The following CCNA1 variants were observed in gnomAD, a reference collection of about 807,000 sequenced individuals.
CCNA1 encodes the protein cyclin-A1.
CCNA1 carries 23 observed loss-of-function variants against 54.1 expected under a neutral mutation model. That is an observed-to-expected ratio of 0.42 (90% confidence interval 0.31 to 0.60). The LOEUF is 0.60. Ranked by LOEUF, CCNA1 falls within the 20% of genes least tolerant of loss-of-function variation. The pLI is 0.14. For missense variants in CCNA1, 450 were observed against 556.7 expected (o/e 0.81, Z 1.93); for synonymous variants, 208 against 213.9 (o/e 0.97, Z 0.24).
At chr13:36,442,472 A>G in intron 8 of CCNA1, 142 bp from the exon 9 acceptor site, 1 of 1,088,306 alleles carries the variant, frequency 9.2e-7, no homozygotes. Flanking sequence ...TAGATTTATA[A>G]TTTGTCAGCT....
rs1407235545 is a variant in CCNA1 at position 36,437,691 on chromosome 13, A to G, written c.360A>G (p.Lys120=). Residue 120 remains lysine, a synonymous_variant, in exon 3 of 9, where the codon AAA becomes AAG. Transcript: ENST00000255465. ...ATGCCTTCCCTCCAGCTGGAAAGAA[A>G]GCACTCCCTGACTGTGGGGTCCAAG... 1.5e-5 allele frequency: 24 copies of G among 1,613,946 alleles called. No individual in the cohort carries two copies. Among genetic ancestry groups the G allele is most frequent in the Non-Finnish European group, 1.9e-5 (23 of 1,179,930 alleles).
At chr13:36,441,032 AC>A (rs2055868810) in intron 6 of CCNA1, 85 bp from the exon 7 acceptor site, 2 of 664,682 alleles carry the variant, frequency 3.0e-6, no homozygotes, top group Non-Finnish European at 5.2e-6. Flanking sequence ...AAGATAAGAT[AC>A]CATTTATTTC....
At chr13:36,440,269 T>C (rs1223679739) in intron 6 of CCNA1, 86 bp downstream of exon 6, 2 of 1,210,784 alleles carry the variant, frequency 1.7e-6, no homozygotes, top group Non-Finnish European at 1.2e-6. Flanking sequence ...AGTTCTTTTT[T>C]CCTTTTCAGT....
intron 2 of CCNA1, among the ~76,000 whole-genome samples, chr13:36,435,802 G>C (rs1214327916): frequency 1.3e-5 from 2 of 152,074 alleles, no homozygotes; most frequent in Non-Finnish European, 2.9e-5. Flanking sequence ...TCTCCACTTA[G>C]GTCATATAAT....
At chr13:36,439,889 A>C (rs2055853847) in intron 5 of CCNA1, 90 bp from the exon 6 acceptor site, 5 of 772,784 alleles carry the variant, frequency 6.5e-6, no homozygotes, top group Non-Finnish European at 1.1e-5. Flanking sequence ...GTAAGTCTGC[A>C]AGGGCCATGC....
At chr13:36,438,329 A>G (rs2055833066) in intron 4 of CCNA1, 138 bp downstream of exon 4, 2 of 791,174 alleles carry the variant, frequency 2.5e-6, no homozygotes, top group Non-Finnish European at 4.1e-6. Context: ...ATGAAAAATA[A>G]TAGTTGTGAT....
At chr13:36,437,502 G>A (rs2055819068) in intron 2 of CCNA1, 127 bp from the exon 3 acceptor site, 1 of 836,332 alleles carries the variant, frequency 1.2e-6, no homozygotes, top group Non-Finnish European at 1.9e-6. Context: ...GAATTAAATT[G>A]CCGACATAGA....
intron 2 of CCNA1, among the ~76,000 whole-genome samples, chr13:36,435,357 G>A (rs2137816657): frequency 6.6e-6 from 1 of 152,282 alleles, no homozygotes; most frequent in East Asian, 1.9e-4. Flanking sequence ...GAACAGACCT[G>A]GGCCTGGCCA....
chr13:36,441,444 A>G (rs912854850), intron 7 of CCNA1, among the ~76,000 whole-genome samples: 3 of 152,210 alleles, frequency 2.0e-5, no homozygotes, highest in East Asian at 3.9e-4. Flanking sequence ...ACAGCATCAC[A>G]TGCTCCTTCA....
chr13:36,432,997 G>T, intron 1 of CCNA1, 36 bp from the exon 2 acceptor site: 1 of 1,589,376 alleles, frequency 6.3e-7, no homozygotes, highest in South Asian at 1.1e-5. Context: ...GGACGGAATC[G>T]ACTAAACAGC....
At chr13:36,436,919 T>G (rs1593323178) in intron 2 of CCNA1, among the ~76,000 whole-genome samples, 1 of 152,240 alleles carries the variant, frequency 6.6e-6, no homozygotes, top group Non-Finnish European at 1.5e-5. Context: ...CAGCTGACAT[T>G]CATGCCATCT....
rs774039740 is a variant in CCNA1, at chr13:36,432,669, G to A, written c.48G>A (p.Gly16=). 3.7e-6 allele frequency: 6 copies of A among 1,611,834 alleles called. No homozygotes were observed. Among genetic ancestry groups the A allele is most frequent in the Non-Finnish European group, 5.1e-6 (6 of 1,179,188 alleles). ...TCATGTACCCTGGATCTTTTATTGG[G>A]GGCTGGGGAGAAGAGTATCTCAGCT... is the stretch of plus-strand genomic sequence containing the variant. The change falls in exon 1 of 9, where the codon GGG becomes GGA. Residue 16 remains glycine, a synonymous_variant. Transcript: ENST00000255465.
chr13:36,438,846 C>T lies in CCNA1; in HGVS notation c.872C>T (p.Thr291Ile), dbSNP rs1308195885. The T allele has an allele frequency of 7.4e-6, 12 of 1,613,918 alleles. No homozygotes were observed. Among genetic ancestry groups the T allele is most frequent in the Non-Finnish European group, 1.0e-5 (12 of 1,179,832 alleles). The change falls in exon 5 of 9, where the codon ACA (threonine) becomes ATA (isoleucine). Residue 291 changes from threonine (T) to isoleucine (I), a missense_variant. Transcript: ENST00000255465. ...AGAGGGAAACTGCAGCTCGTAGGAA[C>T]AGCAGCTATGCTTTTGGCTTCGTAA...
chr13:36,442,449 AT>A, intron 8 of CCNA1, 145 bp downstream of exon 8: 1 of 1,120,084 alleles, frequency 8.9e-7, no homozygotes, highest in Non-Finnish European at 1.3e-6. Context: ...TTACAAATAA[AT>A]TTGAAAAGAC....
In CCNA1 at chr13:36,432,715, G is replaced by C; in HGVS notation, c.94G>C (p.Asp32His). Residue 32 changes from aspartate (D) to histidine (H), a missense_variant, in exon 1 of 9, where the codon GAT becomes CAT. Physicochemically the swap from Asp to His is moderately conservative, Grantham distance 81. Transcript: ENST00000255465. ...CAGCTGGGAAGGACCGGGGCTCCCAGATTTCGTCTTCCAGGTAACGTGGGT... is the reference window on the plus strand; with the variant it reads ...CAGCTGGGAAGGACCGGGGCTCCCACATTTCGTCTTCCAGGTAACGTGGGT... The C allele has an allele frequency of 6.2e-7, 1 of 1,609,992 alleles. No individual in the cohort carries two copies. Among genetic ancestry groups the C allele is most frequent in the Non-Finnish European group, 8.5e-7 (1 of 1,176,830 alleles).
At position 36,433,032 on chromosome 13, in the gene CCNA1, G is replaced by A. The variant is rs2055735211; in HGVS notation, c.109-1G>A. 1 of 1,610,800 alleles carries A rather than the reference G, an allele frequency of 6.2e-7. No individual in the cohort carries two copies. Among genetic ancestry groups the A allele is most frequent in the African/African-American group, 1.3e-5 (1 of 74,898 alleles). Reference sequence around the variant, plus strand: ...CTTGTCTGTTTCTCTTTCCCTGGTAGCAGCAGCCCGTGGAGTCTGAAGCAA... The same window carrying A: ...CTTGTCTGTTTCTCTTTCCCTGGTAACAGCAGCCCGTGGAGTCTGAAGCAA... On this transcript the variant is annotated splice_acceptor_variant, in intron 1 of 8. Transcript: ENST00000255465. LOFTEE classifies it high-confidence loss of function.
At chr13:36,439,921 G>A (rs1371350751) in intron 5 of CCNA1, 58 bp from the exon 6 acceptor site, 10 of 1,172,772 alleles carry the variant, frequency 8.5e-6, no homozygotes, top group Middle Eastern at 1.9e-4. Context: ...GCTTATGGTA[G>A]CACAGGAGTA....
chr13:36,440,685 C>T (rs1236806813), intron 6 of CCNA1, among the ~76,000 whole-genome samples: 2 of 152,096 alleles, frequency 1.3e-5, no homozygotes, highest in African/African-American at 4.8e-5. Flanking sequence ...TAAGGATGTC[C>T]ACATGTTTTA....
intron 2 of CCNA1, among the ~76,000 whole-genome samples, chr13:36,435,099 A>G (rs1035064873): frequency 6.6e-6 from 1 of 152,188 alleles, no homozygotes; most frequent in Non-Finnish European, 1.5e-5. Context: ...AATGGTGACG[A>G]ATTTTCTTTG....
Sources: allele counts gnomAD v4.1 joint callset (sites outside exome capture counted in the v4.1 genomes callset), GRCh38; gene constraint gnomAD v4.1.1; transcripts MANE v1.5; gene names NCBI Gene and HGNC (gene_info 2026-07-23, HGNC 2026-07-21).